The following CACHD1 variants were observed in gnomAD, a reference collection of about 807,000 sequenced individuals.
CACHD1 encodes the protein VWFA and cache domain-containing protein 1.
CACHD1 carries 71 observed loss-of-function variants against 138.7 expected under a neutral mutation model. That is an observed-to-expected ratio of 0.51 (90% CI 0.42 to 0.62). CACHD1 has a LOEUF of 0.62. Ranked by LOEUF, CACHD1 falls within the 20% of genes least tolerant of loss-of-function variation. The probability of loss-of-function intolerance (pLI) is 0.00; values close to 1 mark genes in which losing one functional copy is unlikely to be tolerated. For missense variants in CACHD1, 1,389 were observed against 1,625.3 expected, an observed-to-expected ratio of 0.85 and a Z score of 2.50; for synonymous variants, 578 against 591.5, an observed-to-expected ratio of 0.98 and a Z score of 0.33.
At chr1:64,539,259 A>G (rs1646658245) in intron 1 of CACHD1, among the ~76,000 whole-genome samples, 1 of 152,142 alleles carries the variant, frequency 6.6e-6, no homozygotes, top group Non-Finnish European at 1.5e-5. Context: ...TAAAGCACCT[A>G]TTTTATCATG....
At chr1:64,600,051 C>G (rs535996425) in intron 3 of CACHD1, among the ~76,000 whole-genome samples, 1 of 152,114 alleles carries the variant, frequency 6.6e-6, no homozygotes, top group Non-Finnish European at 1.5e-5. Context: ...TCTTAGGTCC[C>G]TGACTTGCTA....
At chr1:64,617,998 T>A (rs1647771565) in intron 4 of CACHD1, among the ~76,000 whole-genome samples, 1 of 151,610 alleles carries the variant, frequency 6.6e-6, no homozygotes, top group Non-Finnish European at 1.5e-5. Context: ...GAGAATCACT[T>A]GAATGCAGGA....
At chr1:64,681,005 A>T (rs1298535257) in intron 24 of CACHD1, among the ~76,000 whole-genome samples, 1 of 152,158 alleles carries the variant, frequency 6.6e-6, no homozygotes, top group African/African-American at 2.4e-5. Context: ...TGTTGGCCTC[A>T]ATCAACTTCT....
At chr1:64,550,768 A>G (rs1033721715) in intron 2 of CACHD1, 112 bp downstream of exon 2, 3 of 689,338 alleles carry the variant, frequency 4.4e-6, no homozygotes, top group East Asian at 5.5e-5. Context: ...TTCTCTCTGT[A>G]TAATTTCACG....
At chr1:64,565,224 C>A (rs1187461493) in intron 2 of CACHD1, among the ~76,000 whole-genome samples, 1 of 151,790 alleles carries the variant, frequency 6.6e-6, no homozygotes, top group Non-Finnish European at 1.5e-5. Context: ...CTCATCTGTA[C>A]CCAGGGAATT....
rs989720974 is a variant in CACHD1, at chr1:64,552,487, T to C, written c.261+1831T>C. On this transcript the variant is annotated intron_variant, in intron 2 of 26. Coordinates refer to ENST00000651257, the MANE Select transcript of CACHD1 (RefSeq NM_020925.4). ...TTTTGTTTTGTTTTTTTTTTTTTTT[T>C]GAGACAGGATCTTGCTCTGTCGCCC... Among the ~76,000 whole-genome samples, 3 of 122,632 alleles carry C rather than the reference T, an allele frequency of 2.4e-5. No homozygotes were observed. The Admixed American group carries it at 2.5e-4, about 10-fold the overall frequency. The allele number at this position is 122,632 out of a possible 152,430, so 80.5% of individuals were successfully genotyped here.
chr1:64,681,544 T>TTTTTTTTTTTTG (rs1650185141), intron 25 of CACHD1, among the ~76,000 whole-genome samples: 1 of 110,594 alleles, frequency 9.0e-6, no homozygotes, highest in East Asian at 2.5e-4. Flanking sequence ...TTATTGTGTT[T>TTTTTTTTTTTTG]TTTTTTTTTT....
At chr1:64,645,844 G>A (rs1346671540) in intron 8 of CACHD1, among the ~76,000 whole-genome samples, 1 of 152,176 alleles carries the variant, frequency 6.6e-6, no homozygotes, top group African/African-American at 2.4e-5. Context: ...TGGCCCCTCA[G>A]TGTCTGTCTC....
chr1:64,489,869 AG>A (rs1270797704), intron 1 of CACHD1, among the ~76,000 whole-genome samples: 3 of 152,194 alleles, frequency 2.0e-5, no homozygotes, highest in Non-Finnish European at 2.9e-5. Flanking sequence ...GATGAGGAAA[AG>A]GGGAAGTGTT....
intron 1 of CACHD1, among the ~76,000 whole-genome samples, chr1:64,543,427 T>TATA (rs1646693613): frequency 1.5e-5 from 1 of 68,384 alleles, no homozygotes; most frequent in South Asian, 4.7e-4. Context: ...ATATATATAT[T>TATA]TAAATTAGCC....
At chr1:64,522,525 A>G (rs546380731) in intron 1 of CACHD1, among the ~76,000 whole-genome samples, 18 of 150,968 alleles carry the variant, frequency 1.2e-4, no homozygotes, top group African/African-American at 3.6e-4. Context: ...CCAGGCTTCA[A>G]CTCCTGACCT....
At position 64,679,611 on chromosome 1, in the gene CACHD1, A is replaced by G. The variant is rs773627705; in HGVS notation, c.3261A>G (p.Thr1087=). 15 of 1,614,202 alleles carry G rather than the reference A, an allele frequency of 9.3e-6. No homozygotes were observed. In the East Asian group the frequency reaches 2.9e-4, roughly 31 times the overall value. ...DMGAIGDEVI[T]LNMIKSAPVG... ...TCACTGAAGGTGATGAGGTGATCAC[A>G]TTAAACATGATTAAAAGCGCCCCTG... Residue 1087 remains threonine (T), a synonymous_variant, in exon 24 of 27, where the codon ACA becomes ACG. Coordinates refer to ENST00000651257, the MANE Select transcript of CACHD1 (RefSeq NM_020925.4).
intron 1 of CACHD1, among the ~76,000 whole-genome samples, chr1:64,489,690 C>T (rs1646262882): frequency 6.6e-6 from 1 of 152,138 alleles, no homozygotes. Context: ...AGCACAATGC[C>T]TGATGCCAGA....
At chr1:64,685,362 G>T (rs571958267) in intron 26 of CACHD1, among the ~76,000 whole-genome samples, 1 of 152,296 alleles carries the variant, frequency 6.6e-6, no homozygotes, top group Admixed American at 6.5e-5. Context: ...TTTGTGCAAT[G>T]ATGAAATTAC....
chr1:64,540,062 G>A lies in CACHD1; in HGVS notation c.199-10532G>A, dbSNP rs551930301. Among the ~76,000 whole-genome samples, 10 of 152,216 alleles carry A rather than the reference G, an allele frequency of 6.6e-5. No individual in the cohort carries two copies. The East Asian group carries it at 1.7e-3, about 27-fold the overall frequency. On this transcript the variant is annotated intron_variant, in intron 1 of 26. Coordinates refer to ENST00000651257, the MANE Select transcript of CACHD1 (RefSeq NM_020925.4). ...TCCTTTAGAAAGGACTTGATTGATT[G>A]CGTGAGACAGTAATTAAACATCAGT...
In CACHD1 at chr1:64,610,629, G is replaced by A. The variant is rs147162597; in HGVS notation, c.517+7717G>A. Among the ~76,000 whole-genome samples, 23 of 152,322 alleles carry A rather than the reference G, an allele frequency of 1.5e-4. No homozygotes were observed. The East Asian group carries it at 4.4e-3, about 29-fold the overall frequency. On this transcript the variant is annotated intron_variant, in intron 4 of 26. Transcript: ENST00000651257. ...TACAAGAGATGAGCTCCCACGGCCTGGGGCAGCTCCGCCCATGTGGCTTTG... is the reference window on the plus strand; with the variant it reads ...TACAAGAGATGAGCTCCCACGGCCTAGGGCAGCTCCGCCCATGTGGCTTTG...
chr1:64,643,572 C>G (rs1470078038), intron 8 of CACHD1, among the ~76,000 whole-genome samples: 1 of 152,176 alleles, frequency 6.6e-6, no homozygotes, highest in Non-Finnish European at 1.5e-5. Context: ...CTCGGTGGCT[C>G]ATGCCTGTAA....
intron 2 of CACHD1, 29 bp from the exon 3 acceptor site, chr1:64,582,127 G>T (rs368182280): frequency 1.6e-5 from 26 of 1,609,452 alleles, no homozygotes; most frequent in Admixed American, 3.3e-5. Context: ...TTGGACTTTC[G>T]ATTTATTTTG....
rs547751593 is a variant in CACHD1, at chr1:64,491,926, TTTTG to T, written c.198+20996_198+20999del. Among the ~76,000 whole-genome samples the T allele has an allele frequency of 4.1e-4, 61 of 150,228 alleles. 1 individual carries two copies. The South Asian group carries it at 6.5e-3, about 16-fold the overall frequency. On this transcript the variant is annotated intron_variant, in intron 1 of 26. Transcript: ENST00000651257. ...GTGAGCCACTGCACCCAGCGGTTTTTTTTGTTTGTTTGTTTTTTGTTTTTTTTTT... is the reference window on the plus strand; with the variant it reads ...GTGAGCCACTGCACCCAGCGGTTTTTTTTGTTTGTTTTTTGTTTTTTTTTT...
Sources: allele counts gnomAD v4.1 joint callset (sites outside exome capture counted in the v4.1 genomes callset), GRCh38; gene constraint gnomAD v4.1.1; transcripts MANE v1.5; gene names NCBI Gene and HGNC (gene_info 2026-07-23, HGNC 2026-07-21).